Variants in CADM1 observed in about 807,000 individuals in gnomAD.
CADM1 encodes the protein TSLC-1.
CADM1 carries 15 observed loss-of-function variants against 53.1 expected under a neutral mutation model. The observed-to-expected ratio is 0.28, with a 90% CI of 0.19 to 0.44. The LOEUF (loss-of-function observed/expected upper bound fraction) is 0.44. CADM1 is among the 20% of genes least tolerant of loss of function. The probability of loss-of-function intolerance (pLI) is 1.00; values close to 1 mark genes in which losing one functional copy is unlikely to be tolerated. For missense variants in CADM1, 434 were observed against 611.3 expected (o/e 0.71, Z 3.06); for synonymous variants, 281 against 243.0 (o/e 1.16, Z -1.45).
At chr11:115,407,895 A>AAG (rs1214849291) in intron 1 of CADM1, among the ~76,000 whole-genome samples, 2 of 149,372 alleles carry the variant, frequency 1.3e-5, no homozygotes, top group Admixed American at 1.3e-4. Flanking sequence ...AAAAAAAAAA[A>AAG]AAAAAAAAAA....
intron 1 of CADM1, among the ~76,000 whole-genome samples, chr11:115,295,503 ATT>A (rs1186055883): frequency 2.7e-3 from 97 of 35,380 alleles, no homozygotes; most frequent in South Asian, 8.8e-3. Flanking sequence ...TGATCAAGAT[ATT>A]TTATATATAT....
At chr11:115,197,628 T>C (rs1940221435) in intron 9 of CADM1, among the ~76,000 whole-genome samples, 1 of 152,188 alleles carries the variant, frequency 6.6e-6, no homozygotes, top group Non-Finnish European at 1.5e-5. Context: ...CTGATGCCCC[T>C]CCTGAGCTTT....
At chr11:115,446,766 G>A (rs768889497) in intron 1 of CADM1, among the ~76,000 whole-genome samples, 10 of 152,174 alleles carry the variant, frequency 6.6e-5, no homozygotes, top group South Asian at 2.1e-4. Flanking sequence ...CCTCAGCCTC[G>A]ACTAGGAGAC....
intron 6 of CADM1, among the ~76,000 whole-genome samples, chr11:115,215,324 T>C (rs1941134246): frequency 6.6e-6 from 1 of 152,226 alleles, no homozygotes; most frequent in South Asian, 2.1e-4. Context: ...TCTGGAAAGA[T>C]GTAATCATTT....
At chr11:115,237,670 T>C (rs1019291618) in intron 3 of CADM1, among the ~76,000 whole-genome samples, 3 of 151,832 alleles carry the variant, frequency 2.0e-5, no homozygotes, top group African/African-American at 2.4e-5. Context: ...CATGCTATAG[T>C]GTATGTCCTT....
chr11:115,191,002 T>A (rs1939830719), intron 9 of CADM1, 61 bp from the exon 10 acceptor site: 2 of 1,352,024 alleles, frequency 1.5e-6, no homozygotes, highest in Admixed American at 2.0e-5. Flanking sequence ...ACAAAACACT[T>A]AAGAACTGAG....
intron 1 of CADM1, among the ~76,000 whole-genome samples, chr11:115,374,636 C>T (rs368228727): frequency 6.6e-6 from 1 of 152,018 alleles, no homozygotes; most frequent in African/African-American, 2.4e-5. Context: ...GTATTCTTAC[C>T]CTTTATACCC....
intron 1 of CADM1, among the ~76,000 whole-genome samples, chr11:115,281,345 T>G (rs971946708): frequency 2.0e-5 from 3 of 151,794 alleles, no homozygotes; most frequent in African/African-American, 7.3e-5. Context: ...GCCAAAAGAG[T>G]TTAATTTTAG....
At chr11:115,444,250 TAA>T (rs1461189520) in intron 1 of CADM1, among the ~76,000 whole-genome samples, 1 of 152,098 alleles carries the variant, frequency 6.6e-6, no homozygotes, top group African/African-American at 2.4e-5. Context: ...TCTGCAAACT[TAA>T]GAGAAAAATA....
chr11:115,367,960 T>A (rs77425194), intron 1 of CADM1, among the ~76,000 whole-genome samples: 1 of 152,034 alleles, frequency 6.6e-6, no homozygotes, highest in African/African-American at 2.4e-5. Context: ...TGTCTAGGTA[T>A]AGTATTTCCT....
intron 1 of CADM1, among the ~76,000 whole-genome samples, chr11:115,254,511 G>A (rs1942711432): frequency 6.7e-6 from 1 of 149,810 alleles, no homozygotes; most frequent in South Asian, 2.1e-4. Context: ...AGAGAAAACA[G>A]CCCTACTTTA....
At position 115,217,940 on chromosome 11, in the gene CADM1, C is replaced by A; in HGVS notation, c.773G>T (p.Arg258Leu). The A allele has an allele frequency of 1.2e-6, 2 of 1,613,658 alleles. No homozygotes were observed. Among genetic ancestry groups the A allele is most frequent in the South Asian group, 1.1e-5 (1 of 91,082 alleles). Residue 258 changes from arginine (R) to leucine (L), a missense_variant, in exon 6 of 12, where the codon CGG becomes CTG. This residue lies in a region of CADM1 where 311 missense variants were observed against 435.1 expected (regional missense o/e 0.71). Coordinates refer to ENST00000331581, the MANE Select transcript of CADM1 (RefSeq NM_001301043.2). ...QMTYPLQGLT[R>L]EGDALELTCE... ...TGTTAACTCAAGCGCGTCCCCTTCC[C>A]GGGTTAAGCCTTGTAGAGGATAAGT...
intron 1 of CADM1, among the ~76,000 whole-genome samples, chr11:115,458,529 T>C (rs1366364940): frequency 7.4e-6 from 1 of 134,652 alleles, no homozygotes; most frequent in Non-Finnish European, 1.7e-5. Context: ...TTATTATTAT[T>C]ATTACATTAT....
chr11:115,372,915 A>G (rs1282440472), intron 1 of CADM1, among the ~76,000 whole-genome samples: 1 of 152,196 alleles, frequency 6.6e-6, no homozygotes, highest in African/African-American at 2.4e-5. Flanking sequence ...ATGGGCCCCA[A>G]AGGCTTGTGA....
chr11:115,439,694 C>T (rs962340901), intron 1 of CADM1, among the ~76,000 whole-genome samples: 10 of 152,156 alleles, frequency 6.6e-5, no homozygotes, highest in African/African-American at 2.2e-4. Context: ...ATTGTCAGGT[C>T]GACTTTAGTG....
chr11:115,214,910 T>A, intron 6 of CADM1, 130 bp from the exon 7 acceptor site: 2 of 994,824 alleles, frequency 2.0e-6, no homozygotes, highest in Non-Finnish European at 3.2e-6. Context: ...GAATTACAAC[T>A]GTGAAGTCTC....
At chr11:115,240,495 G>T in intron 1 of CADM1, 75 bp from the exon 2 acceptor site, 1 of 1,468,752 alleles carries the variant, frequency 6.8e-7, no homozygotes, top group Non-Finnish European at 9.5e-7. Context: ...CTATTAAAGT[G>T]GGAACTAGGC....
rs975890724 is a variant in CADM1 at position 115,203,118 on chromosome 11, T to C, written c.1079-4680A>G. On this transcript the variant is annotated intron_variant, in intron 8 of 11. Transcript: ENST00000331581. ...CTCCCCTGTGAGTGAAGAGATTGTG[T>C]GCTACAGAACAGCAGCAACGGGGGA... Among the ~76,000 whole-genome samples, 4 of 151,978 alleles carry C rather than the reference T, an allele frequency of 2.6e-5. No individual in the cohort carries two copies. In the East Asian group the frequency reaches 7.7e-4, roughly 29 times the overall value.
intron 1 of CADM1, among the ~76,000 whole-genome samples, chr11:115,348,558 G>A (rs1250551275): frequency 6.6e-6 from 1 of 152,148 alleles, no homozygotes; most frequent in African/African-American, 2.4e-5. Flanking sequence ...AATTCAAAAT[G>A]CTTTTACTTT....
Sources: gnomAD v4.1 joint callset for allele counts (sites outside exome capture counted in the v4.1 genomes callset) on GRCh38, gnomAD v4.1.1 for gene constraint, gnomAD v4.1.1 regional missense constraint, MANE v1.5 for transcripts, NCBI Gene and HGNC (gene_info 2026-07-23, HGNC 2026-07-21) for gene names.